The following SCG3 variants were observed in gnomAD, a reference collection of about 807,000 sequenced individuals.
SCG3 encodes the protein secretogranin-3.
In SCG3, 38 loss-of-function variants were observed where a neutral mutation model predicts 56.2. That is an observed-to-expected ratio of 0.68 (90% CI 0.52 to 0.89). The LOEUF is 0.89. Among genes scored for constraint, SCG3 ranks in the 40% least tolerant of loss-of-function variants. SCG3 has a pLI of 0.00. For missense variants in SCG3, 524 were observed against 540.7 expected (o/e 0.97, Z 0.31); for synonymous variants, 176 against 184.2 (o/e 0.96, Z 0.36).
intron 10 of SCG3, among the ~76,000 whole-genome samples, chr15:51,706,705 A>C (rs1392432225): frequency 6.6e-6 from 1 of 151,942 alleles, no homozygotes; most frequent in African/African-American, 2.4e-5. Flanking sequence ...AATAATAATA[A>C]TACTCTATAT....
intron 3 of SCG3, 22 bp from the exon 4 acceptor site, chr15:51,683,197 G>C: frequency 6.2e-7 from 1 of 1,607,956 alleles, no homozygotes; most frequent in South Asian, 1.1e-5. Flanking sequence ...TGGCTGTGTT[G>C]GGTTTGGGGC....
intron 7 of SCG3, among the ~76,000 whole-genome samples, chr15:51,694,435 G>C (rs1196103622): frequency 2.1e-5 from 3 of 145,858 alleles, no homozygotes; most frequent in Non-Finnish European, 4.4e-5. Flanking sequence ...TGGAAAAAAA[G>C]AAAGATTCCA....
chr15:51,692,514 A>G (rs1489632978), intron 7 of SCG3, among the ~76,000 whole-genome samples, 178 bp downstream of exon 7: 2 of 152,142 alleles, frequency 1.3e-5, no homozygotes, highest in South Asian at 4.1e-4. Context: ...GCCAGTTATG[A>G]AAATATTTAG....
intron 11 of SCG3, among the ~76,000 whole-genome samples, chr15:51,716,184 C>T (rs1006902137): frequency 3.3e-5 from 5 of 152,122 alleles, no homozygotes; most frequent in Non-Finnish European, 7.4e-5. Flanking sequence ...CTTTGATGCA[C>T]ATTAAAATCA....
intron 11 of SCG3, among the ~76,000 whole-genome samples, chr15:51,718,504 A>T (rs1655087729): frequency 6.6e-6 from 1 of 152,176 alleles, no homozygotes; most frequent in African/African-American, 2.4e-5. Context: ...CAGGCTCGCT[A>T]AGGGTGGCTG....
At chr15:51,694,388 G>A (rs954319533) in intron 7 of SCG3, among the ~76,000 whole-genome samples, 13 of 152,276 alleles carry the variant, frequency 8.5e-5, no homozygotes, top group Admixed American at 3.3e-4. Flanking sequence ...GAACAGGCTC[G>A]TTTCTCAGGT....
rs767287653 is a variant in SCG3, at chr15:51,692,192, A to G, written c.724A>G (p.Lys242Glu). ...GGCAGCAATTCAAGATGGTCTTGCT[A>G]AGGGAGAAAACGATGAAACAGTATC... ...PMAAIQDGLAKGENDETVSNT... is the reference protein window; with the variant it reads ...PMAAIQDGLAEGENDETVSNT... Residue 242 changes from lysine (K) to glutamate (E), a missense_variant, in exon 7 of 12, where the codon AAG becomes GAG. Coordinates refer to ENST00000220478, the MANE Select transcript of SCG3 (RefSeq NM_013243.4). The G allele has an allele frequency of 3.7e-6, 6 of 1,613,202 alleles. No homozygotes were observed. The highest frequency in any genetic ancestry group is 2.2e-5 in the South Asian group (2 of 90,884).
intron 11 of SCG3, among the ~76,000 whole-genome samples, chr15:51,713,794 T>C (rs1057233860): frequency 3.3e-5 from 5 of 152,182 alleles, no homozygotes; most frequent in Non-Finnish European, 7.3e-5. Context: ...GCACAAATTT[T>C]GTGCACCCTG....
rs1340274905 is a variant in SCG3, at chr15:51,719,456, C to G, written c.1337C>G (p.Ala446Gly). 9.9e-6 allele frequency: 16 copies of G among 1,613,928 alleles called. No homozygotes were observed. The highest frequency in any genetic ancestry group is 1.4e-5 in the Non-Finnish European group (16 of 1,179,964). Residue 446 changes from alanine (A) to glycine (G), a missense_variant, in exon 12 of 12, where the codon GCT (alanine) becomes GGT (glycine). By Grantham distance (60) the Ala-to-Gly change is moderately conservative. Coordinates refer to ENST00000220478, the MANE Select transcript of SCG3 (RefSeq NM_013243.4). ...GACTTCATCAATAAACAAGCTGATG[C>G]TTATGTGGAGAAAGGCATCCTTGAC... Reference protein sequence around the residue: ...MRDFINKQADAYVEKGILDKE... With the variant: ...MRDFINKQADGYVEKGILDKE...
chr15:51,687,797 C>T lies in SCG3; in HGVS notation c.398-463C>T, dbSNP rs188029453. 1.9e-3 allele frequency among the ~76,000 whole-genome samples: 284 copies of T among 152,198 alleles called. 1 individual carries two copies. The highest frequency in any genetic ancestry group is 6.6e-3 in the African/African-American group (274 of 41,526). On this transcript the variant is annotated intron_variant, in intron 4 of 11. Coordinates refer to ENST00000220478, the MANE Select transcript of SCG3 (RefSeq NM_013243.4). ...CTGGGTGTGAGGTAGAAGTCCCTGCCCCTACCCCAGGAATTTGCCTGCAAA... is the reference window on the plus strand; with the variant it reads ...CTGGGTGTGAGGTAGAAGTCCCTGCTCCTACCCCAGGAATTTGCCTGCAAA...
At position 51,682,587 on chromosome 15, in the gene SCG3, T is replaced by C. The variant is rs1191837037; in HGVS notation, c.135+18T>C. 3.1e-6 allele frequency: 4 copies of C among 1,286,260 alleles called. No individual in the cohort carries two copies. Among genetic ancestry groups the C allele is most frequent in the Middle Eastern group, 2.0e-4 (1 of 5,122 alleles). 79.7% of individuals were successfully genotyped at this position (1,286,260 alleles called of 1,614,324 possible). On this transcript the variant is annotated intron_variant, in intron 2 of 11. Transcript: ENST00000220478. The stretch of plus-strand genomic sequence containing the variant: ...ATGAACAGGTAGGTCAAAAGTAACA[T>C]TATGAATGCTATTTCATTTTGATTT...
chr15:51,711,950 A>G (rs1363732774), intron 10 of SCG3, among the ~76,000 whole-genome samples: 1 of 152,168 alleles, frequency 6.6e-6, no homozygotes, highest in African/African-American at 2.4e-5. Flanking sequence ...TCACTTAGGT[A>G]AATACAGTGC....
chr15:51,699,444 C>G (rs777714389), intron 9 of SCG3, 42 bp downstream of exon 9: 1 of 1,215,696 alleles, frequency 8.2e-7, no homozygotes, highest in Admixed American at 2.2e-5. Flanking sequence ...AGAATAATAA[C>G]CCTTTTGAGT....
At chr15:51,710,698 C>T (rs575372354) in intron 10 of SCG3, among the ~76,000 whole-genome samples, 2 of 151,990 alleles carry the variant, frequency 1.3e-5, no homozygotes, top group Non-Finnish European at 2.9e-5. Flanking sequence ...GCAGTCCTCC[C>T]ACCTCAGCCT....
chr15:51,689,983 A>T (rs983776534), intron 6 of SCG3, among the ~76,000 whole-genome samples: 9 of 152,182 alleles, frequency 5.9e-5, no homozygotes, highest in Admixed American at 5.9e-4. Flanking sequence ...ACATAATAAC[A>T]TCTGTGTGTA....
In SCG3 at chr15:51,688,415, G is replaced by A; in HGVS notation, c.540+13G>A. The A allele has an allele frequency of 6.2e-7, 1 of 1,611,260 alleles. No homozygotes were observed. The highest frequency in any genetic ancestry group is 8.5e-7 in the Non-Finnish European group (1 of 1,178,100). On this transcript the variant is annotated intron_variant, in intron 5 of 11. Transcript: ENST00000220478. ...TAATCTCGGCCTTGTAAGTCATTTG[G>A]TAGGAAATAAACCAAATTCCTAGTG...
Position 51,720,865 on chromosome 15 carries a change from GA to G in SCG3, c.*1346del. ...AAAGTAGACAATCACAGGGAGGATTGAAAAAAAGGGCACTCTGATAGGGCAA... is the reference window on the plus strand; with the variant it reads ...AAAGTAGACAATCACAGGGAGGATTGAAAAAAGGGCACTCTGATAGGGCAA... On this transcript the variant is annotated 3_prime_UTR_variant, in exon 12 of 12. Transcript: ENST00000220478. 4 of 182,558 alleles carry G rather than the reference GA, an allele frequency of 2.2e-5. No individual in the cohort carries two copies. The highest frequency in any genetic ancestry group is 3.2e-5 in the Non-Finnish European group (3 of 92,644). 11.3% of individuals were successfully genotyped at this position (182,558 alleles called of 1,614,324 possible). A position where few individuals can be genotyped will look rare whatever the true frequency, so the allele number is the denominator to read the frequency against.
rs2055193284 is a variant in SCG3 at position 51,681,516 on chromosome 15, C to G, written c.-240C>G. ...AGTCTCCGCGTCACAGGAACTTCAG[C>G]ACCCACAGGGCGGACAGCGCTCCCC... On this transcript the variant is annotated 5_prime_UTR_variant, in exon 1 of 12. Transcript: ENST00000220478. 3.7e-6 allele frequency: 2 copies of G among 545,254 alleles called. No homozygotes were observed. Among genetic ancestry groups the G allele is most frequent in the Non-Finnish European group, 6.6e-6 (2 of 302,514 alleles). The allele number at this position is 545,254 out of a possible 1,614,324, so 33.8% of individuals were successfully genotyped here.
chr15:51,716,468 T>G (rs2055456549), intron 11 of SCG3, among the ~76,000 whole-genome samples: 1 of 152,210 alleles, frequency 6.6e-6, no homozygotes, highest in Admixed American at 6.5e-5. Flanking sequence ...TGTTTTATAG[T>G]CAGTACTACA....
Sources: allele counts gnomAD v4.1 joint callset (sites outside exome capture counted in the v4.1 genomes callset), GRCh38; gene constraint gnomAD v4.1.1; transcripts MANE v1.5; gene names NCBI Gene and HGNC (gene_info 2026-07-23, HGNC 2026-07-21).